Variants in LPP observed in about 807,000 individuals in gnomAD.
The protein encoded by LPP is LIM domain containing preferred translocation partner in lipoma, also known as lipoma-preferred partner.
A neutral mutation model predicts 60.4 loss-of-function variants in LPP; 38 were observed. The ratio of observed to expected loss-of-function variants is 0.63; its 90% confidence interval spans 0.49 to 0.83. LPP has a LOEUF of 0.83. Ranked by LOEUF, LPP falls within the 40% of genes least tolerant of loss-of-function variation. The pLI is 0.00. For synonymous variants in LPP, 328 were observed against 290.8 expected (o/e 1.13, Z -1.30); for missense variants, 902 against 783.6 (o/e 1.15, Z -1.80).
chr3:188,697,592 A>C (rs1863528444), intron 7 of LPP, among the ~76,000 whole-genome samples: 1 of 152,174 alleles, frequency 6.6e-6, no homozygotes, highest in African/African-American at 2.4e-5. Flanking sequence ...TTCATACCTG[A>C]AAATACTAAA....
At chr3:188,309,678 T>C (rs1039528719) in intron 2 of LPP, among the ~76,000 whole-genome samples, 1 of 152,160 alleles carries the variant, frequency 6.6e-6, no homozygotes, top group Non-Finnish European at 1.5e-5. Context: ...TAAAATAGGT[T>C]TAAATAGCCT....
At chr3:188,752,047 G>T (rs1460385883) in intron 8 of LPP, among the ~76,000 whole-genome samples, 1 of 152,136 alleles carries the variant, frequency 6.6e-6, no homozygotes, top group African/African-American at 2.4e-5. Context: ...TGTTCTAGTT[G>T]TTATGAGCTC....
chr3:188,324,686 T>C (rs1757899649), intron 2 of LPP, among the ~76,000 whole-genome samples: 1 of 152,210 alleles, frequency 6.6e-6, no homozygotes. Context: ...TGAAATTGTC[T>C]TCTACTTTTA....
chr3:188,471,435 A>C (rs1187562709), intron 4 of LPP, among the ~76,000 whole-genome samples: 1 of 152,228 alleles, frequency 6.6e-6, no homozygotes, highest in Non-Finnish European at 1.5e-5. Flanking sequence ...TTTTGGTGGC[A>C]AAGGAGATGC....
intron 6 of LPP, among the ~76,000 whole-genome samples, chr3:188,596,095 G>A (rs1839927578): frequency 2.0e-5 from 3 of 152,144 alleles, no homozygotes; most frequent in South Asian, 2.1e-4. Context: ...TTGGCACAGG[G>A]GAGTGAATTC....
At chr3:188,250,539 A>G (rs1728749773) in intron 2 of LPP, among the ~76,000 whole-genome samples, 1 of 152,186 alleles carries the variant, frequency 6.6e-6, no homozygotes, top group Non-Finnish European at 1.5e-5. Flanking sequence ...TTATCAAAAT[A>G]TTACCCTACA....
intron 4 of LPP, among the ~76,000 whole-genome samples, chr3:188,455,424 T>C (rs960035068): frequency 1.3e-5 from 2 of 152,220 alleles, no homozygotes; most frequent in Admixed American, 1.3e-4. Context: ...TACACATCCC[T>C]GATAATAGGG....
chr3:188,529,516 G>C (rs1821568879), intron 6 of LPP, among the ~76,000 whole-genome samples: 1 of 152,166 alleles, frequency 6.6e-6, no homozygotes, highest in African/African-American at 2.4e-5. Context: ...TATGGTAAGA[G>C]GTTCCAAGGA....
chr3:188,758,677 G>C (rs1731162861), intron 8 of LPP: 1 of 152,126 alleles, frequency 6.6e-6, no homozygotes, highest in African/African-American at 2.4e-5. Flanking sequence ...CAATGTGATG[G>C]AGTGCTGAAA....
chr3:188,770,531 A>G (rs530833653), intron 9 of LPP, among the ~76,000 whole-genome samples: 54 of 152,132 alleles, frequency 3.5e-4, no homozygotes, highest in South Asian at 2.1e-3. Context: ...ACCCAGCTGT[A>G]GCGTGGACTC....
At chr3:188,581,954 C>T (rs1836271403) in intron 6 of LPP, among the ~76,000 whole-genome samples, 1 of 135,422 alleles carries the variant, frequency 7.4e-6, no homozygotes, top group South Asian at 2.7e-4. Context: ...TTTCGGTAGG[C>T]TTTTTTCAGA....
At chr3:188,283,547 G>C (rs1742852820) in intron 2 of LPP, among the ~76,000 whole-genome samples, 1 of 152,168 alleles carries the variant, frequency 6.6e-6, no homozygotes, top group Non-Finnish European at 1.5e-5. Context: ...TTGCAGTTCA[G>C]ATTCTGCATG....
chr3:188,730,383 T>C (rs1720000296), intron 8 of LPP, among the ~76,000 whole-genome samples: 1 of 152,228 alleles, frequency 6.6e-6, no homozygotes, highest in African/African-American at 2.4e-5. Context: ...CCATTAACTC[T>C]GGAAACCTTA....
intron 1 of LPP, among the ~76,000 whole-genome samples, chr3:188,185,464 A>G (rs976465880): frequency 6.6e-6 from 1 of 151,464 alleles, no homozygotes; most frequent in African/African-American, 2.4e-5. Context: ...TTCCCCCTAT[A>G]TACCCCACAG....
At chr3:188,170,716 T>C (rs1721355971) in intron 1 of LPP, among the ~76,000 whole-genome samples, 1 of 152,176 alleles carries the variant, frequency 6.6e-6, no homozygotes, top group Admixed American at 6.5e-5. Flanking sequence ...TCCTCCAACT[T>C]ACCTTCCCCC....
Position 188,599,751 on chromosome 3 carries a change from G to GGTGTGTGTGTGTGTGTGTGT in LPP, c.430-9390_430-9371dup, listed in dbSNP as rs71169011. Among the ~76,000 whole-genome samples, 427 of 139,890 alleles carry GGTGTGTGTGTGTGTGTGTGT rather than the reference G, an allele frequency of 3.1e-3. 2 individuals carry two copies. Among genetic ancestry groups the GGTGTGTGTGTGTGTGTGTGT allele is most frequent in the African/African-American group, 0.01 (391 of 37,284 alleles). 91.8% of individuals were successfully genotyped at this position (139,890 alleles called of 152,430 possible). A position where few individuals can be genotyped will look rare whatever the true frequency, so the allele number is the denominator to read the frequency against. On this transcript the variant is annotated intron_variant, in intron 6 of 11. Transcript: ENST00000617246. Reference sequence around the variant, plus strand: ...CAAAAACTATCGGGGACTCGTTAGGGGTGTGTGTGTGTGTGTGTGTGTGTG... The same window carrying GGTGTGTGTGTGTGTGTGTGT: ...CAAAAACTATCGGGGACTCGTTAGGGGTGTGTGTGTGTGTGTGTGTGTGTGTGTGTGTGTGTGTGTGTGTG...
At chr3:188,769,410 G>A (rs766919634) in intron 9 of LPP, among the ~76,000 whole-genome samples, 31 of 152,102 alleles carry the variant, frequency 2.0e-4, no homozygotes, top group South Asian at 4.1e-4. Flanking sequence ...ATCCTTGCAC[G>A]TTCCAAGGCA....
At position 188,708,284 on chromosome 3, in the gene LPP, A is replaced by G; in HGVS notation, c.1131A>G (p.Gln377=). 3 of 1,614,140 alleles carry G rather than the reference A, an allele frequency of 1.9e-6. No homozygotes were observed. The highest frequency in any genetic ancestry group is 2.5e-6 in the Non-Finnish European group (3 of 1,179,998). Residue 377 remains glutamine (Q), a synonymous_variant, in exon 8 of 12, where the codon CAA becomes CAG. Coordinates refer to ENST00000617246, the MANE Select transcript of LPP (RefSeq NM_001375462.1). ...CCTTTCAGGGTGGCCATTCAGGGCA[A>G]CTGGGGCCTTCGTCAGTTGCCCCTT... ...PLQPKGGHSG[Q]LGPSSVAPSF... is the part of the protein sequence containing the mutation.
intron 8 of LPP, among the ~76,000 whole-genome samples, chr3:188,753,848 T>C (rs2150362161): frequency 6.6e-6 from 1 of 151,838 alleles, no homozygotes; most frequent in African/African-American, 2.4e-5. Flanking sequence ...GAGCCACCTT[T>C]CCCCCACTAG....
Sources: gnomAD v4.1 joint callset for allele counts (sites outside exome capture counted in the v4.1 genomes callset) on GRCh38, gnomAD v4.1.1 for gene constraint, MANE v1.5 for transcripts, NCBI Gene and HGNC (gene_info 2026-07-23, HGNC 2026-07-21) for gene names.